ABCA4: variants seen among roughly 807,000 people sequenced by gnomAD.
ABCA4 encodes the protein retinal-specific phospholipid-transporting ATPase ABCA4.
In ABCA4, 196 loss-of-function variants were observed where a neutral mutation model predicts 263.7. The observed-to-expected ratio is 0.74, with a 90% CI of 0.66 to 0.84. The LOEUF is 0.84. Among genes scored for constraint, ABCA4 ranks in the 40% least tolerant of loss-of-function variants. The pLI, the probability that ABCA4 is intolerant of heterozygous loss-of-function variation, is 0.00. For synonymous variants in ABCA4, 1,133 were observed against 1,094.2 expected, an observed-to-expected ratio of 1.04 and a Z score of -0.70; for missense variants, 2,792 against 2,855.1, an observed-to-expected ratio of 0.98 and a Z score of 0.50.
rs755078118 is a variant in ABCA4 at position 94,080,667 on chromosome 1, T to C, written c.910A>G (p.Met304Val). The change falls in exon 8 of 50, where the codon ATG becomes GTG. Residue 304 changes from methionine to valine, a missense_variant. Coordinates refer to ENST00000370225, the MANE Select transcript of ABCA4 (RefSeq NM_000350.3). Reference protein sequence around the residue: ...QDLLWVTRPLMQNGGPETFTK... With the variant: ...QDLLWVTRPLVQNGGPETFTK... ...AAGGTCTCTGGACCACCATTCTGCA[T>C]GAGGGGCCTGGTCACCCACAGCAAG... 6.2e-7 allele frequency: 1 copy of C among 1,614,134 alleles called. No homozygotes were observed. Among genetic ancestry groups the C allele is most frequent in the Admixed American group, 1.7e-5 (1 of 60,018 alleles).
chr1:94,055,166 G>A lies in ABCA4; in HGVS notation c.2532C>T (p.Leu844=). ...GTAAGCCATAGACAGCAGCATCAAG[G>A]AGCATCATCTGCATGGACAGCAGGA... ...FSFLLSMQMM[L]LDAAVYGLLA... is the part of the protein sequence containing the mutation. Residue 844 remains leucine, a synonymous_variant, in exon 16 of 50, where the codon CTC becomes CTT. Transcript: ENST00000370225. The A allele has an allele frequency of 1.9e-6, 3 of 1,614,140 alleles. No individual in the cohort carries two copies. Among genetic ancestry groups the A allele is most frequent in the East Asian group, 2.2e-5 (1 of 44,878 alleles).
At chr1:94,113,992 G>A (rs937468380) in intron 1 of ABCA4, among the ~76,000 whole-genome samples, 1 of 152,182 alleles carries the variant, frequency 6.6e-6, no homozygotes, top group Non-Finnish European at 1.5e-5. Flanking sequence ...TTGGAGAGTA[G>A]AATAGGTCTA....
chr1:94,102,403 C>G (rs533640278), intron 5 of ABCA4, among the ~76,000 whole-genome samples: 12 of 151,990 alleles, frequency 7.9e-5, no homozygotes, highest in Non-Finnish European at 1.3e-4. Context: ...AGCTTCCAAG[C>G]CCGGAACTCC....
chr1:94,094,817 A>G (rs1343372009), intron 6 of ABCA4, among the ~76,000 whole-genome samples: 1 of 152,154 alleles, frequency 6.6e-6, no homozygotes, highest in African/African-American at 2.4e-5. Context: ...GCCAAATCAG[A>G]TGGGAAGCGT....
At position 94,021,923 on chromosome 1, in the gene ABCA4, G is replaced by A. The variant is rs377398404; in HGVS notation, c.4696C>T (p.Leu1566Phe). 24 of 1,614,182 alleles carry A rather than the reference G, an allele frequency of 1.5e-5. No homozygotes were observed. Among genetic ancestry groups the A allele is most frequent in the Non-Finnish European group, 1.9e-5 (22 of 1,180,038 alleles). ...RYGGISIGGK[L>F]PVVPITGEAL... ...TCCCCCGTGATGGGGACGACTGGGA[G>A]CTTTCCTCCAATGGAAATTCCTCCA... The change falls in exon 33 of 50, where the codon CTC (leucine) becomes TTC (phenylalanine). Residue 1566 changes from leucine to phenylalanine, a missense_variant. Physicochemically the swap from Leu to Phe is conservative, Grantham distance 22. Transcript: ENST00000370225.
rs561739905 is a variant in ABCA4, at chr1:94,079,388, C to A, written c.1173G>T (p.Lys391Asn). 2 of 1,614,178 alleles carry A rather than the reference C, an allele frequency of 1.2e-6. No individual in the cohort carries two copies. ...PLTKIAWRAAKPLLMGKILYT... is the reference protein window; with the variant it reads ...PLTKIAWRAANPLLMGKILYT... ...ACAGGATTTTTCCCATCAGCAAAGG[C>A]TTTGCCGCCCTCCAAGCGATTTTGG... The change falls in exon 9 of 50, where the codon AAG becomes AAT. Residue 391 changes from lysine to asparagine, a missense_variant. Physicochemically the swap from Lys to Asn is moderately conservative, Grantham distance 94 (BLOSUM62 0). Transcript: ENST00000370225.
intron 20 of ABCA4, 128 bp downstream of exon 20, chr1:94,044,485 A>G: frequency 5.6e-6 from 8 of 1,423,906 alleles, no homozygotes; most frequent in Non-Finnish European, 6.8e-6. Flanking sequence ...ACATAGGGGA[A>G]ACCAAATAAG....
At chr1:94,119,869 G>T (rs1662900360) in intron 1 of ABCA4, among the ~76,000 whole-genome samples, 1 of 152,108 alleles carries the variant, frequency 6.6e-6, no homozygotes, top group South Asian at 2.1e-4. Flanking sequence ...TCTGAACCGA[G>T]ATTTGGAACA....
chr1:94,001,196 G>T (rs1000138648), intron 45 of ABCA4, 91 bp from the exon 46 acceptor site: 8 of 1,042,648 alleles, frequency 7.7e-6, no homozygotes, highest in Non-Finnish European at 8.7e-6. Context: ...TGTGGAGGAT[G>T]AGCTGACAGA....
rs61753057 is a variant in ABCA4 at position 94,080,596 on chromosome 1, G to A, written c.981C>T (p.Pro327=). 1,069 of 1,613,902 alleles carry A rather than the reference G, an allele frequency of 6.6e-4. 1 individual carries two copies. Among genetic ancestry groups the A allele is most frequent in the Middle Eastern group, 9.9e-4 (6 of 6,084 alleles). Reference sequence around the variant, plus strand: ...AGAGCACCCGAGAGCCACCTCCCTCGGGGTAGCCACACAGGAGGTCAGACA... The same window carrying A: ...AGAGCACCCGAGAGCCACCTCCCTCAGGGTAGCCACACAGGAGGTCAGACA... ...GILSDLLCGY[P]EGGGSRVLSF... Residue 327 remains proline, a synonymous_variant, in exon 8 of 50, where the codon CCC becomes CCT. Coordinates refer to ENST00000370225, the MANE Select transcript of ABCA4 (RefSeq NM_000350.3).
chr1:94,011,854 G>A (rs1659555402), intron 38 of ABCA4, among the ~76,000 whole-genome samples: 1 of 152,208 alleles, frequency 6.6e-6, no homozygotes, highest in African/African-American at 2.4e-5. Context: ...CACTTAGGGA[G>A]CTCTCCCTGC....
At chr1:94,030,901 C>G (rs1660182087) in intron 28 of ABCA4, 95 bp downstream of exon 28, 1 of 1,554,050 alleles carries the variant, frequency 6.4e-7, no homozygotes, top group Non-Finnish European at 8.8e-7. Flanking sequence ...TGGTGAAGGT[C>G]CCAGTGAAGT....
At chr1:94,002,476 T>C (rs1208614106) in intron 44 of ABCA4, among the ~76,000 whole-genome samples, 1 of 152,204 alleles carries the variant, frequency 6.6e-6, no homozygotes, top group Non-Finnish European at 1.5e-5. Context: ...AACACAGCCA[T>C]TGCTGCTATC....
chr1:94,030,868 C>T (rs560353494), intron 28 of ABCA4, 128 bp downstream of exon 28: 1 of 1,419,236 alleles, frequency 7.0e-7, no homozygotes, highest in Non-Finnish European at 9.8e-7. Flanking sequence ...GCAGGCAGCC[C>T]AAAGACCCCT....
At chr1:94,109,207 C>T (rs1164757560) in intron 3 of ABCA4, among the ~76,000 whole-genome samples, 3 of 152,126 alleles carry the variant, frequency 2.0e-5, no homozygotes, top group South Asian at 4.1e-4. Context: ...GGATGGTGAG[C>T]GATCTATTCA....
chr1:94,034,459 A>C (rs1429785586), intron 26 of ABCA4, among the ~76,000 whole-genome samples: 1 of 152,062 alleles, frequency 6.6e-6, no homozygotes, highest in Non-Finnish European at 1.5e-5. Context: ...TGATGGTTTC[A>C]CGTAGTAACC....
chr1:94,100,215 C>G (rs1662252342), intron 5 of ABCA4, among the ~76,000 whole-genome samples: 1 of 152,174 alleles, frequency 6.6e-6, no homozygotes, highest in African/African-American at 2.4e-5. Flanking sequence ...CTTTCGATCT[C>G]AGGGACCCAT....
intron 13 of ABCA4, 69 bp from the exon 14 acceptor site, chr1:94,060,828 T>C: frequency 7.7e-7 from 1 of 1,297,292 alleles, no homozygotes; most frequent in Non-Finnish European, 1.1e-6. Context: ...TAAATGTTTG[T>C]TGAATGAATG....
intron 7 of ABCA4, among the ~76,000 whole-genome samples, chr1:94,082,288 C>T (rs1168481868): frequency 2.0e-5 from 3 of 152,202 alleles, no homozygotes; most frequent in African/African-American, 7.2e-5. Context: ...TTCATATAAA[C>T]TGGGCCTTCT....
Sources: gnomAD v4.1 joint callset for allele counts (sites outside exome capture counted in the v4.1 genomes callset) on GRCh38, gnomAD v4.1.1 for gene constraint, MANE v1.5 for transcripts, NCBI Gene and HGNC (gene_info 2026-07-23, HGNC 2026-07-21) for gene names.